Variants in KIFC3 observed in about 807,000 individuals in gnomAD.
KIFC3 encodes kinesin family member C3.
A neutral mutation model predicts 101.8 loss-of-function variants in KIFC3; 60 were observed. The ratio of observed to expected loss-of-function variants is 0.59; its 90% CI spans 0.48 to 0.73. KIFC3 has a LOEUF of 0.73. KIFC3 is among the 30% of genes least tolerant of loss of function. KIFC3 has a pLI of 0.00. For missense variants in KIFC3, 966 were observed against 1,137.1 expected (o/e 0.85, Z 2.16); for synonymous variants, 476 against 482.7 (o/e 0.99, Z 0.18).
Position 57,761,098 on chromosome 16 carries a change from GC to G in KIFC3, c.1945del (p.Ala649ArgfsTer5). The G allele has an allele frequency of 6.2e-7, 1 of 1,613,908 alleles. No homozygotes were observed. The highest frequency in any genetic ancestry group is 8.5e-7 in the Non-Finnish European group (1 of 1,179,966). On this transcript the variant is annotated frameshift_variant, in exon 15 of 20. Coordinates refer to ENST00000445690, the MANE Select transcript of KIFC3 (RefSeq NM_001130100.2). LOFTEE classifies it high-confidence loss of function. Reference sequence around the variant, plus strand: ...GCCTCGCACCGTCACGATGAGCAGCGCGTGCGAGCGGGAGCTGTGCTCGTTC... The same window carrying G: ...GCCTCGCACCGTCACGATGAGCAGCGGTGCGAGCGGGAGCTGTGCTCGTTC... ...NLNEHSSRSH[A>X]LLIVTVRGVD...
chr16:57,777,869 G>T (rs1339975713), intron 3 of KIFC3, among the ~76,000 whole-genome samples: 1 of 152,216 alleles, frequency 6.6e-6, no homozygotes, highest in Non-Finnish European at 1.5e-5. Context: ...TGACAAGGTT[G>T]CCAAGATCAT....
intron 13 of KIFC3, among the ~76,000 whole-genome samples, chr16:57,761,835 C>T (rs909662365): frequency 3.9e-5 from 6 of 152,190 alleles, no homozygotes; most frequent in African/African-American, 1.4e-4. Flanking sequence ...GAGAGCCCCT[C>T]CTCCCCCCAG....
chr16:57,798,318 C>G (rs1555624214), intron 1 of KIFC3, 36 bp from the exon 2 acceptor site: 1 of 1,521,492 alleles, frequency 6.6e-7, no homozygotes, highest in Non-Finnish European at 8.8e-7. Context: ...GCTTGAAGAC[C>G]GTGGACCAGC....
intron 1 of KIFC3, among the ~76,000 whole-genome samples, chr16:57,814,163 A>G (rs1598194659): frequency 6.6e-6 from 1 of 151,980 alleles, no homozygotes; most frequent in Non-Finnish European, 1.5e-5. Context: ...TGACCCCACA[A>G]GGCACCCTCT....
chr16:57,834,030 T>A (rs2055638617), intron 1 of KIFC3, among the ~76,000 whole-genome samples: 1 of 151,942 alleles, frequency 6.6e-6, no homozygotes, highest in South Asian at 2.1e-4. Flanking sequence ...GCCCGGCTAC[T>A]TTTTTGTATT....
At chr16:57,819,365 G>A (rs2055302887) in intron 1 of KIFC3, among the ~76,000 whole-genome samples, 1 of 152,076 alleles carries the variant, frequency 6.6e-6, no homozygotes, top group Non-Finnish European at 1.5e-5. Context: ...AGCTACCTGG[G>A]AGGCTGAGGA....
intron 1 of KIFC3, among the ~76,000 whole-genome samples, chr16:57,800,125 A>T (rs1568061351): frequency 6.6e-6 from 1 of 152,098 alleles, no homozygotes; most frequent in Non-Finnish European, 1.5e-5. Flanking sequence ...AAATAAATAA[A>T]TAAATAATAA....
chr16:57,770,608 C>T lies in KIFC3; in HGVS notation c.858G>A (p.Val286=). The T allele has an allele frequency of 1.9e-6, 3 of 1,543,442 alleles. No homozygotes were observed. The highest frequency in any genetic ancestry group is 2.6e-6 in the Non-Finnish European group (3 of 1,143,622). The change falls in exon 7 of 20, where the codon GTG becomes GTA. Residue 286 remains valine, a synonymous_variant. Coordinates refer to ENST00000445690, the MANE Select transcript of KIFC3 (RefSeq NM_001130100.2). Reference sequence around the variant, plus strand: ...CCTTCAGCACCTGCCTCTGCATAGCCACCTGCTCCTGCAGGTGCTGGTTCC... The same window carrying T: ...CCTTCAGCACCTGCCTCTGCATAGCTACCTGCTCCTGCAGGTGCTGGTTCC... ...QARNQHLQEQ[V]AMQRQVLKEM... is the part of the protein sequence containing the mutation.
At chr16:57,795,377 T>C (rs1343227067) in intron 2 of KIFC3, among the ~76,000 whole-genome samples, 4 of 152,188 alleles carry the variant, frequency 2.6e-5, no homozygotes, top group African/African-American at 9.6e-5. Flanking sequence ...GATTCTCTTC[T>C]GGAAGGGGCC....
At chr16:57,841,592 G>A (rs165997) in intron 1 of KIFC3, among the ~76,000 whole-genome samples, 76,682 of 151,888 alleles carry the variant, frequency 0.5, 20,195 homozygotes, top group East Asian at 0.63. Flanking sequence ...GTTTGAAGCC[G>A]GGAGGTGGAG....
At chr16:57,795,224 G>T in intron 2 of KIFC3, 83 bp from the exon 3 acceptor site, 2 of 1,490,540 alleles carry the variant, frequency 1.3e-6, no homozygotes, top group Non-Finnish European at 1.8e-6. Context: ...CAGGGCCGCA[G>T]CTGAGCTCAG....
chr16:57,777,099 C>T (rs782071546), intron 3 of KIFC3: 6 of 152,010 alleles, frequency 3.9e-5, no homozygotes, highest in Non-Finnish European at 7.4e-5. Context: ...ATTCCATTTA[C>T]AATAGCATCA....
At chr16:57,827,890 T>G (rs992496779) in intron 1 of KIFC3, among the ~76,000 whole-genome samples, 2 of 152,224 alleles carry the variant, frequency 1.3e-5, no homozygotes, top group African/African-American at 2.4e-5. Flanking sequence ...GAGCACTAAC[T>G]ACACACCAGG....
rs1265587617 is a variant in KIFC3, at chr16:57,762,732, G to A, written c.1618-462C>T. Among the ~76,000 whole-genome samples, 3 of 152,148 alleles carry A rather than the reference G, an allele frequency of 2.0e-5. No individual in the cohort carries two copies. The East Asian group carries it at 5.8e-4, about 29-fold the overall frequency. On this transcript the variant is annotated intron_variant, in intron 12 of 19. Coordinates refer to ENST00000445690, the MANE Select transcript of KIFC3 (RefSeq NM_001130100.2). ...TGTCCTGGGGAAGGACGGGTGGGCC[G>A]GCCTTTCTAGAAGGAAACCTGGAGT...
upstream of KIFC3, among the ~76,000 whole-genome samples, chr16:57,807,235 C>A (rs1055062388): frequency 1.1e-4 from 17 of 148,200 alleles, no homozygotes; most frequent in South Asian, 2.2e-4. Flanking sequence ...AAAAAAAAAA[C>A]CCCGTGGAAG....
chr16:57,833,308 T>C (rs1164033424), intron 1 of KIFC3, among the ~76,000 whole-genome samples: 1 of 151,958 alleles, frequency 6.6e-6, no homozygotes, highest in Non-Finnish European at 1.5e-5. Flanking sequence ...TGGAGGTAAA[T>C]AGTGATGGCA....
At chr16:57,786,963 C>A (rs2053393618) in intron 3 of KIFC3, among the ~76,000 whole-genome samples, 1 of 152,224 alleles carries the variant, frequency 6.6e-6, no homozygotes, top group Non-Finnish European at 1.5e-5. Flanking sequence ...CCTCCTCCAC[C>A]CGAGCACTCC....
In KIFC3 at chr16:57,770,811, A is replaced by T. The variant is rs914020559; in HGVS notation, c.766-111T>A. ...GAACTCTCGGGAACATCCCACTCAG[A>T]AACCAGAAAAAAACTAGAGGAGCCT... On this transcript the variant is annotated intron_variant, in intron 6 of 19. Coordinates refer to ENST00000445690, the MANE Select transcript of KIFC3 (RefSeq NM_001130100.2). 4.1e-5 allele frequency: 40 copies of T among 985,586 alleles called. No homozygotes were observed. In the Admixed American group the frequency reaches 4.6e-4, roughly 11 times the overall value. 61.1% of individuals were successfully genotyped at this position (985,586 alleles called of 1,614,324 possible).
chr16:57,854,512 C>G (rs2056123826), intron 1 of KIFC3, among the ~76,000 whole-genome samples: 1 of 151,864 alleles, frequency 6.6e-6, no homozygotes, highest in Non-Finnish European at 1.5e-5. Flanking sequence ...CCTGTAGTTC[C>G]AGCTACTTGG....
Sources: gnomAD v4.1 joint callset for allele counts (sites outside exome capture counted in the v4.1 genomes callset) on GRCh38, gnomAD v4.1.1 for gene constraint, MANE v1.5 for transcripts, NCBI Gene and HGNC (gene_info 2026-07-23, HGNC 2026-07-21) for gene names.